Variants in TNFAIP8L1 observed in about 807,000 individuals in gnomAD.
TNFAIP8L1 encodes the protein tumor necrosis factor alpha-induced protein 8-like protein 1.
For synonymous variants in TNFAIP8L1, 127 were observed against 125.6 expected, an observed-to-expected ratio of 1.01 and a Z score of -0.08; for missense variants, 225 against 266.1, an observed-to-expected ratio of 0.85 and a Z score of 1.08.
At position 4,653,945 on chromosome 19, in the gene TNFAIP8L1, A is replaced by G. The variant is rs1303717567; in HGVS notation, c.*1515A>G. 1 of 151,964 alleles carries G rather than the reference A, an allele frequency of 6.6e-6. No homozygotes were observed. The highest frequency in any genetic ancestry group is 2.4e-5 in the African/African-American group (1 of 41,340). The allele number at this position is 151,964 out of a possible 1,614,324, so 9.4% of individuals were successfully genotyped here. ...GTGAGAGTGGGACTCTGTCTTAGAAAGAAAAAAAAAAGTATTTGGACACAG... is the reference window on the plus strand; with the variant it reads ...GTGAGAGTGGGACTCTGTCTTAGAAGGAAAAAAAAAAGTATTTGGACACAG... On this transcript the variant is annotated 3_prime_UTR_variant, in exon 2 of 2. Transcript: ENST00000327473.
intron 1 of TNFAIP8L1, among the ~76,000 whole-genome samples, chr19:4,646,159 T>C (rs969714842): frequency 6.6e-6 from 1 of 152,034 alleles, no homozygotes; most frequent in African/African-American, 2.4e-5. Flanking sequence ...GAACAGTTTT[T>C]GCACCCAGGC....
At position 4,643,123 on chromosome 19, in the gene TNFAIP8L1, A is replaced by G. The variant is rs1470673533; in HGVS notation, c.-4+3494A>G. 2.0e-5 allele frequency among the ~76,000 whole-genome samples: 3 copies of G among 151,950 alleles called. No homozygotes were observed. The East Asian group carries it at 5.8e-4, about 29-fold the overall frequency. On this transcript the variant is annotated intron_variant, in intron 1 of 1. Coordinates refer to ENST00000327473, the MANE Select transcript of TNFAIP8L1 (RefSeq NM_152362.3). ...GTGAAACCCCATCTCTACTAAAAATACAAAAATTACCCAGGCATGGTGGCA... is the reference window on the plus strand; with the variant it reads ...GTGAAACCCCATCTCTACTAAAAATGCAAAAATTACCCAGGCATGGTGGCA...
chr19:4,647,022 C>T (rs1283244217), intron 1 of TNFAIP8L1, among the ~76,000 whole-genome samples: 2 of 152,186 alleles, frequency 1.3e-5, no homozygotes, highest in Non-Finnish European at 2.9e-5. Context: ...GGTGCATCCA[C>T]GCTGGAGCTT....
chr19:4,650,087 G>C (rs2096956089), intron 1 of TNFAIP8L1, among the ~76,000 whole-genome samples: 1 of 152,192 alleles, frequency 6.6e-6, no homozygotes, highest in African/African-American at 2.4e-5. Context: ...TCTTCATTCA[G>C]CAGATGTTTC....
In TNFAIP8L1 at chr19:4,654,536, C is replaced by T. The variant is rs1019377018; in HGVS notation, c.*2106C>T. 11 of 152,252 alleles carry T rather than the reference C, an allele frequency of 7.2e-5. No homozygotes were observed. Among genetic ancestry groups the T allele is most frequent in the African/African-American group, 2.6e-4 (11 of 41,548 alleles). 9.4% of individuals were successfully genotyped at this position (152,252 alleles called of 1,614,324 possible). On this transcript the variant is annotated 3_prime_UTR_variant, in exon 2 of 2. Coordinates refer to ENST00000327473, the MANE Select transcript of TNFAIP8L1 (RefSeq NM_152362.3). The stretch of plus-strand genomic sequence containing the variant: ...TTTGTATTTTTTGTAGACAGAAGGT[C>T]TCACCATGTTGCCCAGGATGGTCTC...
chr19:4,648,397 C>T (rs1281526687), intron 1 of TNFAIP8L1, among the ~76,000 whole-genome samples: 3 of 152,256 alleles, frequency 2.0e-5, no homozygotes, highest in Admixed American at 1.3e-4. Context: ...CCTGGGAGAG[C>T]AGTCATCCTC....
At position 4,645,812 on chromosome 19, in the gene TNFAIP8L1, A is replaced by G. The variant is rs2088305371; in HGVS notation, c.-3-6055A>G. On this transcript the variant is annotated intron_variant, in intron 1 of 1. Coordinates refer to ENST00000327473, the MANE Select transcript of TNFAIP8L1 (RefSeq NM_152362.3). This position sits in a 1 kb window ranked among gnomAD's most constrained non-coding sequence, Gnocchi z 4.1. ...GCAGATGGGAAAGCTGCCCCCATGC[A>G]TGGGGCCTGCCAAGGGTCACAGCAG... Among the ~76,000 whole-genome samples, 1 of 151,992 alleles carries G rather than the reference A, an allele frequency of 6.6e-6. No homozygotes were observed. Among genetic ancestry groups the G allele is most frequent in the Non-Finnish European group, 1.5e-5 (1 of 67,984 alleles).
At position 4,646,394 on chromosome 19, in the gene TNFAIP8L1, T is replaced by C. The variant is rs1359137784; in HGVS notation, c.-3-5473T>C. Among the ~76,000 whole-genome samples, 4 of 151,708 alleles carry C rather than the reference T, an allele frequency of 2.6e-5. No individual in the cohort carries two copies. In the East Asian group the frequency reaches 7.7e-4, roughly 29 times the overall value. On this transcript the variant is annotated intron_variant, in intron 1 of 1. Coordinates refer to ENST00000327473, the MANE Select transcript of TNFAIP8L1 (RefSeq NM_152362.3). The stretch of plus-strand genomic sequence containing the variant: ...CTCCTCCCTCTGCCTCCCAAACTGC[T>C]GGGATTACAGTTATGAGCCACCGCA...
chr19:4,652,536 C>T lies in TNFAIP8L1; in HGVS notation c.*106C>T. 8.8e-7 allele frequency: 1 copy of T among 1,132,624 alleles called. No homozygotes were observed. The highest frequency in any genetic ancestry group is 2.9e-5 in the Admixed American group (1 of 34,366). 70.2% of individuals were successfully genotyped at this position (1,132,624 alleles called of 1,614,324 possible). The stretch of plus-strand genomic sequence containing the variant: ...CCACCTCTTTTCTCCCAATCGGACT[C>T]CGGCCAAACTCCCCTAGACAGATGG... On this transcript the variant is annotated 3_prime_UTR_variant, in exon 2 of 2. Coordinates refer to ENST00000327473, the MANE Select transcript of TNFAIP8L1 (RefSeq NM_152362.3).
At chr19:4,650,982 T>C (rs1007003427) in intron 1 of TNFAIP8L1, among the ~76,000 whole-genome samples, 2 of 138,488 alleles carry the variant, frequency 1.4e-5, no homozygotes, top group Non-Finnish European at 1.5e-5. Flanking sequence ...AGATTCCATC[T>C]CAAAAAATAG....
At chr19:4,649,717 C>T (rs955368474) in intron 1 of TNFAIP8L1, among the ~76,000 whole-genome samples, 1 of 152,268 alleles carries the variant, frequency 6.6e-6, no homozygotes. Context: ...GGGCACACAT[C>T]GCTGACTCAG....
rs1458510536 is a variant in TNFAIP8L1, at chr19:4,651,906, G to A, written c.37G>A (p.Ala13Thr). The A allele has an allele frequency of 6.2e-7, 1 of 1,611,662 alleles. No homozygotes were observed. The highest frequency in any genetic ancestry group is 2.2e-5 in the East Asian group (1 of 44,806). Residue 13 changes from alanine (A) to threonine (T), a missense_variant, in exon 2 of 2, where the codon GCG (alanine) becomes ACG (threonine). Coordinates refer to ENST00000327473, the MANE Select transcript of TNFAIP8L1 (RefSeq NM_152362.3). ...TFSTKSLALQ[A>T]QKKLLSKMAS... ...CAGCACCAAGAGCCTGGCTCTGCAGGCGCAGAAGAAGCTCCTGAGTAAGAT... is the reference window on the plus strand; with the variant it reads ...CAGCACCAAGAGCCTGGCTCTGCAGACGCAGAAGAAGCTCCTGAGTAAGAT...
chr19:4,651,101 C>A (rs2088360039), intron 1 of TNFAIP8L1, among the ~76,000 whole-genome samples: 1 of 152,006 alleles, frequency 6.6e-6, no homozygotes, highest in African/African-American at 2.4e-5. Context: ...CTGAACAGCC[C>A]CGGGTCTGGG....
chr19:4,646,456 A>G (rs2088312053), intron 1 of TNFAIP8L1, among the ~76,000 whole-genome samples: 1 of 151,692 alleles, frequency 6.6e-6, no homozygotes. Flanking sequence ...ACAATTTATA[A>G]CCAGAAAGTT....
chr19:4,652,310 C>G lies in TNFAIP8L1; in HGVS notation c.441C>G (p.Phe147Leu). The G allele has an allele frequency of 6.4e-7, 1 of 1,560,848 alleles. No individual in the cohort carries two copies. The highest frequency in any genetic ancestry group is 8.7e-7 in the Non-Finnish European group (1 of 1,155,192). The change falls in exon 2 of 2, where the codon TTC (phenylalanine) becomes TTG (leucine). Residue 147 changes from phenylalanine (F) to leucine (L), a missense_variant. Coordinates refer to ENST00000327473, the MANE Select transcript of TNFAIP8L1 (RefSeq NM_152362.3). The stretch of plus-strand genomic sequence containing the variant: ...CCCACGGCCGCATCAACCACGTGTT[C>G]GGCCACCTAGCCGACTGCGACTTCC... ...AKSHGRINHV[F>L]GHLADCDFLA...
At chr19:4,650,283 G>A (rs1378791222) in intron 1 of TNFAIP8L1, among the ~76,000 whole-genome samples, 1 of 151,942 alleles carries the variant, frequency 6.6e-6, no homozygotes, top group Non-Finnish European at 1.5e-5. Context: ...TAGTTTACCA[G>A]GGAAGAGGCA....
intron 1 of TNFAIP8L1, chr19:4,642,590 A>G (rs1370207715): frequency 6.6e-6 from 1 of 152,090 alleles, no homozygotes. Context: ...CTGGATGACA[A>G]GAAGGAAACA....
At position 4,639,863 on chromosome 19, in the gene TNFAIP8L1, AT is replaced by A. The variant is rs141961286; in HGVS notation, c.-4+235del. 6.2e-3 allele frequency: 947 copies of A among 153,456 alleles called. 10 individuals are homozygous for A. Among genetic ancestry groups the A allele is most frequent in the Non-Finnish European group, 8.3e-3 (576 of 69,044 alleles). 9.5% of individuals were successfully genotyped at this position (153,456 alleles called of 1,614,324 possible). On this transcript the variant is annotated intron_variant, in intron 1 of 1. Coordinates refer to ENST00000327473, the MANE Select transcript of TNFAIP8L1 (RefSeq NM_152362.3). ...GCTCTGCTCTGGGACCAGCACCCCC[AT>A]CCCCCATGTGGACTCTAGTGGACTC... is the stretch of plus-strand genomic sequence containing the variant.
chr19:4,640,287 G>A (rs2088247469), intron 1 of TNFAIP8L1: 1 of 152,280 alleles, frequency 6.6e-6, no homozygotes, highest in Non-Finnish European at 1.5e-5. Flanking sequence ...TGTTTGTCCA[G>A]GGAAGTGGGG....
Sources: gnomAD v4.1 joint callset for allele counts (sites outside exome capture counted in the v4.1 genomes callset) on GRCh38, gnomAD v4.1.1 for gene constraint, Gnocchi (gnomAD v3.1) non-coding constraint, MANE v1.5 for transcripts, NCBI Gene and HGNC (gene_info 2026-07-23, HGNC 2026-07-21) for gene names.